The following WNT8B variants were observed in gnomAD, a reference collection of about 807,000 sequenced individuals.
WNT8B encodes protein Wnt-8b.
Under a neutral mutation model 36.6 loss-of-function variants are expected in WNT8B, and 24 were observed. The ratio of observed to expected loss-of-function variants is 0.66; its 90% CI spans 0.48 to 0.92. WNT8B has a LOEUF of 0.92. Ranked by LOEUF, WNT8B falls within the 40% of genes least tolerant of loss-of-function variation. The pLI is 0.00. For missense variants in WNT8B, 402 were observed against 470.8 expected (o/e 0.85, Z 1.35); for synonymous variants, 199 against 189.8 (o/e 1.05, Z -0.40).
Position 100,482,209 on chromosome 10 carries a change from A to C in WNT8B, c.511-62A>C. On this transcript the variant is annotated intron_variant, in intron 5 of 5. Coordinates refer to ENST00000343737, the MANE Select transcript of WNT8B (RefSeq NM_003393.4). The surrounding 1 kb of genome is among the most constrained non-coding windows in gnomAD (Gnocchi z 6.6). ...TAACTAGACTTCTCGCAACTCCCACAGGGGCAGTTAAACTCGCCACGCGCT... is the reference window on the plus strand; with the variant it reads ...TAACTAGACTTCTCGCAACTCCCACCGGGGCAGTTAAACTCGCCACGCGCT... The C allele has an allele frequency of 1.3e-6, 2 of 1,536,048 alleles. No individual in the cohort carries two copies. Among genetic ancestry groups the C allele is most frequent in the Middle Eastern group, 1.7e-4 (1 of 5,766 alleles).
intron 1 of WNT8B, among the ~76,000 whole-genome samples, chr10:100,466,001 A>T (rs1850903810): frequency 6.6e-6 from 1 of 152,146 alleles, no homozygotes; most frequent in Admixed American, 6.5e-5. Context: ...ATACAAACTC[A>T]CTTAAAAATT....
intron 3 of WNT8B, among the ~76,000 whole-genome samples, 143 bp from the exon 4 acceptor site, chr10:100,480,841 AAAAAAATAAAAGTT>A (rs1408842693): frequency 1.3e-5 from 2 of 152,190 alleles, no homozygotes; most frequent in Non-Finnish European, 2.9e-5. Context: ...GACTCTCTGC[AAAAAAATAAAAGTT>A]AAAAAATAAT....
chr10:100,463,989 C>T (rs1221951432), intron 1 of WNT8B, among the ~76,000 whole-genome samples: 5 of 152,176 alleles, frequency 3.3e-5, no homozygotes, highest in Non-Finnish European at 7.3e-5. Context: ...TACACCAGTA[C>T]ACAATAACAT....
chr10:100,463,305 A>G lies in WNT8B; in HGVS notation c.68+69A>G. The stretch of plus-strand genomic sequence containing the variant: ...GTATGTAATGTGTTGGGTAAAGCTC[A>G]TTTCATTTCCAGAAATGTAGGAAGC... On this transcript the variant is annotated intron_variant, in intron 1 of 5. Coordinates refer to ENST00000343737, the MANE Select transcript of WNT8B (RefSeq NM_003393.4). The G allele has an allele frequency of 2.7e-6, 4 of 1,485,180 alleles. No individual in the cohort carries two copies. The South Asian group carries it at 4.7e-5, about 18-fold the overall frequency. 92.0% of individuals were successfully genotyped at this position (1,485,180 alleles called of 1,614,324 possible). A position where few individuals can be genotyped will look rare whatever the true frequency, so the allele number is the denominator to read the frequency against.
chr10:100,480,800 T>C (rs992829162), intron 3 of WNT8B, among the ~76,000 whole-genome samples, 198 bp from the exon 4 acceptor site: 1 of 151,906 alleles, frequency 6.6e-6, no homozygotes, highest in Non-Finnish European at 1.5e-5. Flanking sequence ...AGCCCAGAGT[T>C]TGAGACAAGC....
chr10:100,476,922 G>A (rs976164206), intron 1 of WNT8B, among the ~76,000 whole-genome samples: 4 of 152,114 alleles, frequency 2.6e-5, no homozygotes, highest in Non-Finnish European at 5.9e-5. Flanking sequence ...GCACTTGTGT[G>A]TACATGTACT....
chr10:100,467,065 T>C (rs1564642473), intron 1 of WNT8B, among the ~76,000 whole-genome samples: 1 of 152,108 alleles, frequency 6.6e-6, no homozygotes, highest in Non-Finnish European at 1.5e-5. Context: ...CATTCCCCAT[T>C]GCCTCCCACT....
chr10:100,482,462 C>T lies in WNT8B; in HGVS notation c.702C>T (p.Ile234=). The change falls in exon 6 of 6, where the codon ATC becomes ATT. Residue 234 remains isoleucine (I), a synonymous_variant. Transcript: ENST00000343737. The surrounding 1 kb of genome is among the most constrained non-coding windows in gnomAD (Gnocchi z 6.6). ...AGNSAAGRGA[I]ADTFRSISTR... ...ACAGCGCGGCCGGCCGCGGCGCCAT[C>T]GCCGACACCTTTCGCTCCATCTCTA... 2 of 1,604,394 alleles carry T rather than the reference C, an allele frequency of 1.2e-6. No individual in the cohort carries two copies. Among genetic ancestry groups the T allele is most frequent in the South Asian group, 2.2e-5 (2 of 91,082 alleles).
chr10:100,482,645 G>A lies in WNT8B; in HGVS notation c.885G>A (p.Gly295=), dbSNP rs1350844602. 1 of 1,605,462 alleles carries A rather than the reference G, an allele frequency of 6.2e-7. No homozygotes were observed. Among genetic ancestry groups the A allele is most frequent in the South Asian group, 1.1e-5 (1 of 90,778 alleles). Reference sequence around the variant, plus strand: ...GCCGCCGGCTCTGCGGGGACTGCGGGCTGGCGGTGGAGGAGCGCCGGGCCG... The same window carrying A: ...GCCGCCGGCTCTGCGGGGACTGCGGACTGGCGGTGGAGGAGCGCCGGGCCG... ...RSCRRLCGDC[G]LAVEERRAET... is the part of the protein sequence containing the mutation. The change falls in exon 6 of 6, where the codon GGG becomes GGA. Residue 295 remains glycine, a synonymous_variant. Coordinates refer to ENST00000343737, the MANE Select transcript of WNT8B (RefSeq NM_003393.4). This position sits in a 1 kb window ranked among gnomAD's most constrained non-coding sequence, Gnocchi z 6.6.
At chr10:100,465,965 T>G (rs1005338638) in intron 1 of WNT8B, among the ~76,000 whole-genome samples, 1 of 152,150 alleles carries the variant, frequency 6.6e-6, no homozygotes, top group Non-Finnish European at 1.5e-5. Context: ...TTCTACTACT[T>G]TTAGGTGTAT....
chr10:100,476,338 A>G (rs1384811129), intron 1 of WNT8B, among the ~76,000 whole-genome samples: 1 of 152,048 alleles, frequency 6.6e-6, no homozygotes, highest in African/African-American at 2.4e-5. Context: ...GATAGACTTC[A>G]TAGTATTTTT....
At chr10:100,469,034 T>G (rs188287991) in intron 1 of WNT8B, among the ~76,000 whole-genome samples, 2 of 152,340 alleles carry the variant, frequency 1.3e-5, no homozygotes, top group African/African-American at 2.4e-5. Flanking sequence ...AAATTCACAT[T>G]TATAAAAAAC....
In WNT8B at chr10:100,482,832, C is replaced by A. The variant is rs751956291; in HGVS notation, c.*16C>A. On this transcript the variant is annotated 3_prime_UTR_variant, in exon 6 of 6. Transcript: ENST00000343737. This position sits in a 1 kb window ranked among gnomAD's most constrained non-coding sequence, Gnocchi z 6.6. ...AAAACCCTAAGGGTTTCCTCTGCCC[C>A]CTCCTTTTCCCACTGGTTCTTGGCT... 2.4e-5 allele frequency: 35 copies of A among 1,482,636 alleles called. No homozygotes were observed. Among genetic ancestry groups the A allele is most frequent in the Non-Finnish European group, 3.0e-5 (33 of 1,115,364 alleles). The allele number at this position is 1,482,636 out of a possible 1,614,324, so 91.8% of individuals were successfully genotyped here.
Position 100,482,477 on chromosome 10 carries a change from C to T in WNT8B, c.717C>T (p.Arg239=), listed in dbSNP as rs1851129511. The change falls in exon 6 of 6, where the codon CGC becomes CGT. Residue 239 remains arginine, a synonymous_variant. Transcript: ENST00000343737. This position sits in a 1 kb window ranked among gnomAD's most constrained non-coding sequence, Gnocchi z 6.6. ...GCGGCGCCATCGCCGACACCTTTCGCTCCATCTCTACCCGGGAGCTGGTGC... is the reference window on the plus strand; with the variant it reads ...GCGGCGCCATCGCCGACACCTTTCGTTCCATCTCTACCCGGGAGCTGGTGC... ...AGRGAIADTF[R]SISTRELVHL... 1 of 1,603,394 alleles carries T rather than the reference C, an allele frequency of 6.2e-7. No homozygotes were observed. Among genetic ancestry groups the T allele is most frequent in the Non-Finnish European group, 8.5e-7 (1 of 1,179,812 alleles).
chr10:100,466,860 G>A (rs1850912203), intron 1 of WNT8B, among the ~76,000 whole-genome samples: 1 of 151,150 alleles, frequency 6.6e-6, no homozygotes, highest in South Asian at 2.1e-4. Flanking sequence ...CTTTTTTTCT[G>A]GGCTCCAACG....
chr10:100,471,916 C>T (rs375113303), intron 1 of WNT8B, among the ~76,000 whole-genome samples: 4 of 151,852 alleles, frequency 2.6e-5, no homozygotes, highest in African/African-American at 7.3e-5. Context: ...AAAAATATGC[C>T]GGGCGCGGTG....
intron 1 of WNT8B, among the ~76,000 whole-genome samples, chr10:100,466,505 C>A (rs1172374751): frequency 6.6e-6 from 1 of 152,060 alleles, no homozygotes; most frequent in East Asian, 1.9e-4. Context: ...TTATTAATAA[C>A]AACAAAGGCT....
At chr10:100,470,997 C>A (rs1432425086) in intron 1 of WNT8B, among the ~76,000 whole-genome samples, 1 of 152,218 alleles carries the variant, frequency 6.6e-6, no homozygotes, top group African/African-American at 2.4e-5. Flanking sequence ...CCTGCCTCAG[C>A]CTCCCAAAGT....
Position 100,482,177 on chromosome 10 carries a change from A to G in WNT8B, c.511-94A>G. The G allele has an allele frequency of 6.5e-7, 1 of 1,544,744 alleles. No homozygotes were observed. The highest frequency in any genetic ancestry group is 8.7e-7 in the Non-Finnish European group (1 of 1,147,902). On this transcript the variant is annotated intron_variant, in intron 5 of 5. Coordinates refer to ENST00000343737, the MANE Select transcript of WNT8B (RefSeq NM_003393.4). The surrounding 1 kb of genome is among the most constrained non-coding windows in gnomAD (Gnocchi z 6.6). ...AATGAGGTACCAAGTGGGCTGGCCCAGTAGACTAACTAGACTTCTCGCAAC... is the reference window on the plus strand; with the variant it reads ...AATGAGGTACCAAGTGGGCTGGCCCGGTAGACTAACTAGACTTCTCGCAAC...
Sources: allele counts gnomAD v4.1 joint callset (sites outside exome capture counted in the v4.1 genomes callset), GRCh38; gene constraint gnomAD v4.1.1; non-coding constraint Gnocchi (gnomAD v3.1); transcripts MANE v1.5; gene names NCBI Gene and HGNC (gene_info 2026-07-23, HGNC 2026-07-21).